ASMTL: variants seen among roughly 807,000 people sequenced by gnomAD.
ASMTL encodes acetylserotonin O-methyltransferase like.
Under a neutral mutation model 60.3 loss-of-function variants are expected in ASMTL, and 57 were observed. That is an observed-to-expected ratio of 0.95 (90% CI 0.76 to 1.18). The LOEUF is 1.18. Ranked by LOEUF, ASMTL falls within the 50% of genes most tolerant of loss-of-function variation. The pLI is 0.00. For synonymous variants in ASMTL, 419 were observed against 373.0 expected (o/e 1.12, Z -1.42); for missense variants, 981 against 852.6 (o/e 1.15, Z -1.88).
intron 9 of ASMTL, among the ~76,000 whole-genome samples, chrX:1,421,334 T>C (rs781442531): frequency 3.3e-5 from 5 of 152,178 alleles, no homozygotes; most frequent in Non-Finnish European, 7.4e-5. Context: ...ACTCCCGGGC[T>C]CAAATCATCC....
At chrX:1,453,184 CT>C (rs1285089194), upstream of ASMTL, among the ~76,000 whole-genome samples, 4 of 151,634 alleles carry the variant, frequency 2.6e-5, no homozygotes, top group Admixed American at 1.3e-4. Context: ...CAGGCCACAC[CT>C]CCATTGCCCT....
At chrX:1,417,131 A>T (rs2090313977) in intron 11 of ASMTL, among the ~76,000 whole-genome samples, 1 of 151,770 alleles carries the variant, frequency 6.6e-6, no homozygotes, top group Non-Finnish European at 1.5e-5. Flanking sequence ...ATGCACACAG[A>T]CACACAACCA....
chrX:1,414,922 C>T (rs778035620), intron 11 of ASMTL, among the ~76,000 whole-genome samples: 4 of 140,934 alleles, frequency 2.8e-5, no homozygotes, highest in Non-Finnish European at 4.6e-5. Context: ...AGTTACAGCA[C>T]GTCAGCTGTC....
intron 7 of ASMTL, 91 bp from the exon 8 acceptor site, chrX:1,425,778 G>C: frequency 2.2e-6 from 3 of 1,356,824 alleles, no homozygotes; most frequent in South Asian, 2.7e-5. Context: ...CAACGCTGTC[G>C]GAAGTATACA....
In ASMTL at chrX:1,418,058, A is replaced by G. The variant is rs2090362934; in HGVS notation, c.1437T>C (p.Thr479=). ...CGATAATGTCTGGGAGGTCAAACAC[A>G]GTCACCTGCATACGAGGGTACTCAC... ...LAREYPRMQV[T]VFDLPDIIEL... is the part of the protein sequence containing the mutation. The change falls in exon 11 of 13, where the codon ACT becomes ACC. Residue 479 remains threonine (T), a synonymous_variant. Coordinates refer to ENST00000381317, the MANE Select transcript of ASMTL (RefSeq NM_004192.4). 6.2e-7 allele frequency: 1 copy of G among 1,613,456 alleles called. No homozygotes were observed. Among genetic ancestry groups the G allele is most frequent in the African/African-American group, 1.3e-5 (1 of 75,018 alleles).
Position 1,426,776 on chromosome X carries a change from A to G in ASMTL, c.897+958T>C, listed in dbSNP as rs112345434. 6.9e-3 allele frequency among the ~76,000 whole-genome samples: 1,050 copies of G among 152,190 alleles called. 20 individuals carry two copies. The highest frequency in any genetic ancestry group is 0.024 in the African/African-American group (993 of 41,538). On this transcript the variant is annotated intron_variant, in intron 7 of 12. Transcript: ENST00000381317. ...AGGCTACTCAGGATCTCCTCTTGAGATTCTTAATTACATCTGCTAAGACCC... is the reference window on the plus strand; with the variant it reads ...AGGCTACTCAGGATCTCCTCTTGAGGTTCTTAATTACATCTGCTAAGACCC...
In ASMTL at chrX:1,428,215, C is replaced by A. The variant is rs1405565908; in HGVS notation, c.510-94G>T. On this transcript the variant is annotated intron_variant, in intron 6 of 12. Transcript: ENST00000381317. ...CTGGGAGGCGGAGGTGGGTGGATCA[C>A]GAGGTCGGGAGATCGAGGCCATCCT... The A allele has an allele frequency of 8.8e-5, 129 of 1,460,718 alleles. No individual in the cohort carries two copies. In the African/African-American group the frequency reaches 1.7e-3, roughly 19 times the overall value. 90.5% of individuals were successfully genotyped at this position (1,460,718 alleles called of 1,614,324 possible).
chrX:1,403,185 G>T lies in ASMTL; in HGVS notation c.*84C>A. 7 of 1,123,648 alleles carry T rather than the reference G, an allele frequency of 6.2e-6. No individual in the cohort carries two copies. The highest frequency in any genetic ancestry group is 1.3e-5 in the South Asian group (1 of 78,718). 69.6% of individuals were successfully genotyped at this position (1,123,648 alleles called of 1,614,324 possible). ...CAGTCACGACTACACGCTCCTATGT[G>T]ACTGTCCTATGGTACTTGGGGACCG... On this transcript the variant is annotated 3_prime_UTR_variant, in exon 13 of 13. Coordinates refer to ENST00000381317, the MANE Select transcript of ASMTL (RefSeq NM_004192.4).
At chrX:1,414,441 G>T (rs187969320) in intron 11 of ASMTL, among the ~76,000 whole-genome samples, 1 of 152,092 alleles carries the variant, frequency 6.6e-6, no homozygotes, top group Non-Finnish European at 1.5e-5. Context: ...ATTTCCGGCC[G>T]GGCGGGGTGT....
intron 1 of ASMTL, among the ~76,000 whole-genome samples, chrX:1,448,197 C>A (rs112156517): frequency 6.7e-6 from 1 of 148,674 alleles, no homozygotes; most frequent in Non-Finnish European, 1.5e-5. Context: ...CTTGGATAAG[C>A]ACCACCATCT....
At chrX:1,424,967 CA>C (rs1265288222) in intron 8 of ASMTL, among the ~76,000 whole-genome samples, 99,456 of 149,322 alleles carry the variant, frequency 0.67, 34,224 homozygotes, top group South Asian at 0.86. Flanking sequence ...TCCATCCATC[CA>C]TCCCTCCTCC....
rs1458326467 is a variant in ASMTL, at chrX:1,452,650, T to C, written c.93+98A>G. The C allele has an allele frequency of 6.0e-6, 6 of 996,994 alleles. 1 individual carries two copies. The Admixed American group carries it at 1.5e-4, about 24-fold the overall frequency. The allele number at this position is 996,994 out of a possible 1,614,324, so 61.8% of individuals were successfully genotyped here. A position where few individuals can be genotyped will look rare whatever the true frequency, so the allele number is the denominator to read the frequency against. On this transcript the variant is annotated intron_variant, in intron 1 of 12. Coordinates refer to ENST00000381317, the MANE Select transcript of ASMTL (RefSeq NM_004192.4). Reference sequence around the variant, plus strand: ...CCCATCCCTAAGGGTCTCGGGTCACTCTCCCATCCCTATCCCTAGAGTTCC... The same window carrying C: ...CCCATCCCTAAGGGTCTCGGGTCACCCTCCCATCCCTATCCCTAGAGTTCC...
In ASMTL at chrX:1,452,890, C is replaced by T; in HGVS notation, c.-50G>A. ...TCCGCACTTCTGAGCCCGGAGCCCG[C>T]GGTGCGCGCAGCGCGGCTGCAAAAA... is the stretch of plus-strand genomic sequence containing the variant. On this transcript the variant is annotated 5_prime_UTR_variant, in exon 1 of 13. Coordinates refer to ENST00000381317, the MANE Select transcript of ASMTL (RefSeq NM_004192.4). 3 of 1,389,874 alleles carry T rather than the reference C, an allele frequency of 2.2e-6. No individual in the cohort carries two copies. The highest frequency in any genetic ancestry group is 2.9e-6 in the Non-Finnish European group (3 of 1,042,026). The allele number at this position is 1,389,874 out of a possible 1,614,324, so 86.1% of individuals were successfully genotyped here.
At chrX:1,452,657 T>C (rs1721182728) in intron 1 of ASMTL, 91 bp downstream of exon 1, 5 of 1,073,882 alleles carry the variant, frequency 4.7e-6, no homozygotes, top group African/African-American at 1.6e-5. Flanking sequence ...CACTCTCCCA[T>C]CCCTATCCCT....
chrX:1,431,115 TAATA>T (rs2090764535), intron 6 of ASMTL, among the ~76,000 whole-genome samples: 1 of 124,748 alleles, frequency 8.0e-6, no homozygotes, highest in South Asian at 2.5e-4. Flanking sequence ...TTATATTTTA[TAATA>T]TATAATCATT....
At chrX:1,446,832 G>A (rs750351120) in intron 1 of ASMTL, among the ~76,000 whole-genome samples, 1 of 152,114 alleles carries the variant, frequency 6.6e-6, no homozygotes, top group South Asian at 2.1e-4. Flanking sequence ...TGGGAAAACT[G>A]GAAAAAGAAA....
rs1474726710 is a variant in ASMTL, at chrX:1,427,982, G to T, written c.649C>A (p.Pro217Thr). ...QLVKLYYPPR[P>T]EDLRRSVKHD... ...TTGACACTCCGCCGCAGGTCCTCCG[G>T]ACGGGGCGGGTAGTAGAGCTTCACC... is the stretch of plus-strand genomic sequence containing the variant. The change falls in exon 7 of 13, where the codon CCG becomes ACG. Residue 217 changes from proline (P) to threonine (T), a missense_variant. Pro to Thr is a conservative substitution (Grantham distance 38). Transcript: ENST00000381317. The T allele has an allele frequency of 2.5e-6, 4 of 1,613,226 alleles. No homozygotes were observed. The highest frequency in any genetic ancestry group is 3.4e-6 in the Non-Finnish European group (4 of 1,179,644).
chrX:1,440,723 C>A (rs1277074658), intron 2 of ASMTL, among the ~76,000 whole-genome samples: 1 of 152,108 alleles, frequency 6.6e-6, no homozygotes, highest in Non-Finnish European at 1.5e-5. Context: ...CACCTGAGGT[C>A]AGGAGTTGGA....
At position 1,436,343 on chromosome X, in the gene ASMTL, TTTG is replaced by T. The variant is rs772500397; in HGVS notation, c.274-588_274-586del. 2.6e-3 allele frequency among the ~76,000 whole-genome samples: 395 copies of T among 151,794 alleles called. 4 individuals carry two copies. Among genetic ancestry groups the T allele is most frequent in the African/African-American group, 9.2e-3 (380 of 41,296 alleles). ...TGCACACCACCATGCCTGGCTAATTTTTGTTATTTTTTATTTATTTATTTTTTG... is the reference window on the plus strand; with the variant it reads ...TGCACACCACCATGCCTGGCTAATTTTTATTTTTTATTTATTTATTTTTTG... On this transcript the variant is annotated intron_variant, in intron 3 of 12. Transcript: ENST00000381317.
Sources: gnomAD v4.1 joint callset for allele counts (sites outside exome capture counted in the v4.1 genomes callset) on GRCh38, gnomAD v4.1.1 for gene constraint, MANE v1.5 for transcripts, NCBI Gene and HGNC (gene_info 2026-07-23, HGNC 2026-07-21) for gene names.